Variants in PRKAB1 observed in about 807,000 individuals in gnomAD.
PRKAB1 encodes the protein protein kinase AMP-activated non-catalytic subunit beta 1.
PRKAB1 carries 18 observed loss-of-function variants against 32.0 expected under a neutral mutation model. That is an observed-to-expected ratio of 0.56 (90% CI 0.39 to 0.83). The LOEUF is 0.83. Ranked by LOEUF, PRKAB1 falls within the 40% of genes least tolerant of loss-of-function variation. The pLI is 0.00. For synonymous variants in PRKAB1, 141 were observed against 141.4 expected (o/e 1.00, Z 0.02); for missense variants, 263 against 352.6 (o/e 0.75, Z 2.03).
At position 119,679,871 on chromosome 12, in the gene PRKAB1, T is replaced by C; in HGVS notation, c.667-62T>C. On this transcript the variant is annotated intron_variant, in intron 5 of 6. Coordinates refer to ENST00000229328, the MANE Select transcript of PRKAB1 (RefSeq NM_006253.5). The surrounding 1 kb of genome is among the most constrained non-coding windows in gnomAD (Gnocchi z 4.1). ...TCCTTTGATATCTGGCACTGGGAAG[T>C]AAAGGGGAGAATCTTGGTTTCCAAA... 6.5e-7 allele frequency: 1 copy of C among 1,545,060 alleles called. No individual in the cohort carries two copies. The highest frequency in any genetic ancestry group is 1.4e-5 in the African/African-American group (1 of 73,480).
upstream of PRKAB1, chr12:119,667,959 G>A (rs1320558974): frequency 2.4e-6 from 1 of 413,218 alleles, no homozygotes; most frequent in East Asian, 4.7e-5. Context: ...GCCGGAAGCG[G>A]AAGTCGCTGA....
chr12:119,680,354 GACAGCACACCACC>G lies in PRKAB1; in HGVS notation c.*31_*43del. The G allele has an allele frequency of 6.3e-7, 1 of 1,581,108 alleles. No individual in the cohort carries two copies. Among genetic ancestry groups the G allele is most frequent in the Non-Finnish European group, 8.7e-7 (1 of 1,151,704 alleles). Reference sequence around the variant, plus strand: ...GCTGGGGGCGGATGGTGGCCCAGGAGACAGCACACCACCAGGCTCCACACGTGCATGCTTTCCC... The same window carrying G: ...GCTGGGGGCGGATGGTGGCCCAGGAGAGGCTCCACACGTGCATGCTTTCCC... On this transcript the variant is annotated 3_prime_UTR_variant, in exon 7 of 7. Coordinates refer to ENST00000229328, the MANE Select transcript of PRKAB1 (RefSeq NM_006253.5).
Position 119,674,554 on chromosome 12 carries a change from A to G in PRKAB1, c.532+100A>G. 1 of 825,720 alleles carries G rather than the reference A, an allele frequency of 1.2e-6. No individual in the cohort carries two copies. Among genetic ancestry groups the G allele is most frequent in the Non-Finnish European group, 1.9e-6 (1 of 528,186 alleles). The allele number at this position is 825,720 out of a possible 1,614,324, so 51.1% of individuals were successfully genotyped here. A position where few individuals can be genotyped will look rare whatever the true frequency, so the allele number is the denominator to read the frequency against. On this transcript the variant is annotated intron_variant, in intron 4 of 6. Coordinates refer to ENST00000229328, the MANE Select transcript of PRKAB1 (RefSeq NM_006253.5). The surrounding 1 kb of genome is among the most constrained non-coding windows in gnomAD (Gnocchi z 4.3). Reference sequence around the variant, plus strand: ...TGCCTCTCTTGAGCTGAAGCTGCCCAGTCAGATAGGCATTTATAGCCCCCA... The same window carrying G: ...TGCCTCTCTTGAGCTGAAGCTGCCCGGTCAGATAGGCATTTATAGCCCCCA...
intron 1 of PRKAB1, among the ~76,000 whole-genome samples, chr12:119,670,561 C>A (rs759281384): frequency 6.6e-6 from 1 of 152,168 alleles, no homozygotes; most frequent in South Asian, 2.1e-4. Context: ...AATTTTGGTC[C>A]CTGGTCCCAA....
intron 5 of PRKAB1, chr12:119,678,761 G>C (rs1439220250): frequency 6.6e-6 from 1 of 152,212 alleles, no homozygotes; most frequent in East Asian, 1.9e-4. Flanking sequence ...TTCATCCATT[G>C]TGGACACCTA....
chr12:119,672,272 G>T (rs558820034), intron 1 of PRKAB1, 29 bp from the exon 2 acceptor site: 100 of 1,566,764 alleles, frequency 6.4e-5, no homozygotes, highest in Non-Finnish European at 8.5e-5. Flanking sequence ...CTCGCTTATG[G>T]CTTTCTGAGT....
At chr12:119,668,979 T>C (rs1463437613) in intron 1 of PRKAB1, among the ~76,000 whole-genome samples, 1 of 151,888 alleles carries the variant, frequency 6.6e-6, no homozygotes, top group Non-Finnish European at 1.5e-5. Context: ...TAGCCGGGCG[T>C]GGTGGCGGGC....
intron 2 of PRKAB1, 30 bp from the exon 3 acceptor site, chr12:119,673,934 G>A (rs776274834): frequency 6.3e-6 from 10 of 1,595,310 alleles, no homozygotes; most frequent in Admixed American, 3.4e-5. Context: ...CCCACCCCAC[G>A]GAAGTCCTCT....
At chr12:119,676,968 T>C (rs981447951) in intron 5 of PRKAB1, among the ~76,000 whole-genome samples, 2 of 152,246 alleles carry the variant, frequency 1.3e-5, no homozygotes, top group African/African-American at 2.4e-5. Context: ...CATCTCTTCT[T>C]AGTAAGCTAC....
Position 119,674,740 on chromosome 12 carries a change from A to G in PRKAB1, c.532+286A>G, listed in dbSNP as rs1955410415. The stretch of plus-strand genomic sequence containing the variant: ...CATAGCTTGATCTCGTGCCAAGGGC[A>G]GGGCTGAAGAGGCCCTGGAGGGTGG... On this transcript the variant is annotated intron_variant, in intron 4 of 6. Transcript: ENST00000229328. The surrounding 1 kb of genome is among the most constrained non-coding windows in gnomAD (Gnocchi z 4.3). Among the ~76,000 whole-genome samples the G allele has an allele frequency of 6.6e-6, 1 of 152,244 alleles. No individual in the cohort carries two copies. The highest frequency in any genetic ancestry group is 1.5e-5 in the Non-Finnish European group (1 of 68,052).
At position 119,673,967 on chromosome 12, in the gene PRKAB1, CA is replaced by C; in HGVS notation, c.329del (p.Asn110IlefsTer4). On this transcript the variant is annotated frameshift_variant, in exon 3 of 7. Coordinates refer to ENST00000229328, the MANE Select transcript of PRKAB1 (RefSeq NM_006253.5). LOFTEE classifies it high-confidence loss of function. ...WSKLPLTRSH[N>X]NFVAILDLPE... The stretch of plus-strand genomic sequence containing the variant: ...TCTGCTTCCTTTTTCCTTGCAGCCA[CA>C]ATAACTTTGTAGCCATCCTGGATCT... 5 of 1,612,728 alleles carry C rather than the reference CA, an allele frequency of 3.1e-6. No homozygotes were observed. Among genetic ancestry groups the C allele is most frequent in the Non-Finnish European group, 3.4e-6 (4 of 1,179,458 alleles).
chr12:119,672,322 C>T lies in PRKAB1; in HGVS notation c.181C>T (p.Leu61=), dbSNP rs1955393779. 1.2e-6 allele frequency: 2 copies of T among 1,607,994 alleles called. No individual in the cohort carries two copies. Among genetic ancestry groups the T allele is most frequent in the East Asian group, 4.5e-5 (2 of 44,458 alleles). ...CTAGGCACCAGAGAAGGAGGAATTC[C>T]TGGCCTGGCAGCATGATCTGGAAGT... The part of the protein sequence containing the change: ...EIKAPEKEEF[L]AWQHDLEVND... The change falls in exon 2 of 7, where the codon CTG becomes TTG. Residue 61 remains leucine (L), a synonymous_variant. Transcript: ENST00000229328.
intron 2 of PRKAB1, among the ~76,000 whole-genome samples, chr12:119,673,358 T>G (rs912702707): frequency 3.9e-5 from 6 of 152,218 alleles, no homozygotes; most frequent in Non-Finnish European, 7.3e-5. Flanking sequence ...TAGTGAGTAT[T>G]CTTGATAAAA....
chr12:119,674,255 C>A lies in PRKAB1; in HGVS notation c.418-85C>A. 8.2e-7 allele frequency: 1 copy of A among 1,217,232 alleles called. No homozygotes were observed. The highest frequency in any genetic ancestry group is 1.4e-5 in the South Asian group (1 of 73,274). 75.4% of individuals were successfully genotyped at this position (1,217,232 alleles called of 1,614,324 possible). Reference sequence around the variant, plus strand: ...AGGGTGGCTAGCCAGGAGATGAGGCCTTCCAGCCAGGAATTCCAAGTCCTC... The same window carrying A: ...AGGGTGGCTAGCCAGGAGATGAGGCATTCCAGCCAGGAATTCCAAGTCCTC... On this transcript the variant is annotated intron_variant, in intron 3 of 6. Transcript: ENST00000229328. This position sits in a 1 kb window ranked among gnomAD's most constrained non-coding sequence, Gnocchi z 4.3.
At chr12:119,672,690 C>T (rs977998438) in intron 2 of PRKAB1, among the ~76,000 whole-genome samples, 4 of 152,176 alleles carry the variant, frequency 2.6e-5, no homozygotes, top group African/African-American at 9.7e-5. Context: ...TCTTTCACTT[C>T]AGATCCTCAG....
intron 4 of PRKAB1, among the ~76,000 whole-genome samples, chr12:119,675,805 T>G (rs1955420128): frequency 6.6e-6 from 1 of 152,230 alleles, no homozygotes; most frequent in Admixed American, 6.5e-5. Flanking sequence ...AGATTTTCCC[T>G]GGACCAGTCC....
At chr12:119,672,958 G>A (rs959027841) in intron 2 of PRKAB1, among the ~76,000 whole-genome samples, 1 of 152,228 alleles carries the variant, frequency 6.6e-6, no homozygotes, top group African/African-American at 2.4e-5. Flanking sequence ...GCTGGGCATG[G>A]GGGCTCATGC....
chr12:119,680,378 C>T lies in PRKAB1; in HGVS notation c.*53C>T, dbSNP rs1034002737. 22 of 1,511,392 alleles carry T rather than the reference C, an allele frequency of 1.5e-5. No individual in the cohort carries two copies. Among genetic ancestry groups the T allele is most frequent in the South Asian group, 1.0e-4 (9 of 88,272 alleles). The allele number at this position is 1,511,392 out of a possible 1,614,324, so 93.6% of individuals were successfully genotyped here. A position where few individuals can be genotyped will look rare whatever the true frequency, so the allele number is the denominator to read the frequency against. On this transcript the variant is annotated 3_prime_UTR_variant, in exon 7 of 7. Transcript: ENST00000229328. ...AGACAGCACACCACCAGGCTCCACA[C>T]GTGCATGCTTTCCCCAAGAGGGAAT...
rs1955451567 is a variant in PRKAB1, at chr12:119,679,923, TC to T, written c.667-7del. 1.2e-6 allele frequency: 2 copies of T among 1,613,840 alleles called. No individual in the cohort carries two copies. The highest frequency in any genetic ancestry group is 2.7e-5 in the African/African-American group (2 of 75,054). ...CCCAAATGCTCACCGCTGCCTTTGT[TC>T]CCTCACAGTGTGATCCAGCTTTGCT... On this transcript the variant is annotated splice_polypyrimidine_tract_variant and intron_variant, in intron 5 of 6. Coordinates refer to ENST00000229328, the MANE Select transcript of PRKAB1 (RefSeq NM_006253.5). This position sits in a 1 kb window ranked among gnomAD's most constrained non-coding sequence, Gnocchi z 4.1.
Sources: gnomAD v4.1 joint callset for allele counts (sites outside exome capture counted in the v4.1 genomes callset) on GRCh38, gnomAD v4.1.1 for gene constraint, Gnocchi (gnomAD v3.1) non-coding constraint, MANE v1.5 for transcripts, NCBI Gene and HGNC (gene_info 2026-07-23, HGNC 2026-07-21) for gene names.